The following IL1RAPL1 variants were observed in gnomAD, a reference collection of about 807,000 sequenced individuals.
IL1RAPL1 encodes the protein interleukin-1 receptor accessory protein-like 1.
Under a neutral mutation model 48.4 loss-of-function variants are expected in IL1RAPL1, and 3 were observed. That is an observed-to-expected ratio of 0.06 (90% CI 0.03 to 0.16). The LOEUF is 0.16. IL1RAPL1 is among the 10% of genes least tolerant of loss of function. The pLI is 1.00. For missense variants in IL1RAPL1, 349 were observed against 530.6 expected, an observed-to-expected ratio of 0.66 and a Z score of 3.36; for synonymous variants, 185 against 187.7, an observed-to-expected ratio of 0.99 and a Z score of 0.12.
intron 2 of IL1RAPL1, among the ~76,000 whole-genome samples, chrX:29,078,081 C>T (rs752194200): frequency 8.9e-6 from 1 of 112,017 alleles, no homozygotes; most frequent in Non-Finnish European, 1.9e-5. Context: ...ACCAGCCTAG[C>T]TAACATGGTG....
At chrX:29,786,022 G>A (rs951430807) in intron 6 of IL1RAPL1, among the ~76,000 whole-genome samples, 2 of 102,197 alleles carry the variant, frequency 2.0e-5, no homozygotes, top group African/African-American at 7.0e-5. Flanking sequence ...TTAAAAAGGC[G>A]GGCGGGGGGG....
chrX:28,772,673 A>G (rs948527274), intron 1 of IL1RAPL1, among the ~76,000 whole-genome samples: 8 of 112,285 alleles, frequency 7.1e-5, no homozygotes, highest in African/African-American at 2.6e-4. Flanking sequence ...AATCATTATC[A>G]TGAAACTGTT....
chrX:29,608,549 G>A (rs1253522782), intron 5 of IL1RAPL1, among the ~76,000 whole-genome samples: 2 of 111,336 alleles, frequency 1.8e-5, no homozygotes, highest in Non-Finnish European at 3.8e-5. Flanking sequence ...GGAGGAGGCC[G>A]GGCGCGGTGG....
At chrX:29,743,523 G>C (rs932979112) in intron 6 of IL1RAPL1, among the ~76,000 whole-genome samples, 1 of 111,375 alleles carries the variant, frequency 9.0e-6, no homozygotes, top group Non-Finnish European at 1.9e-5. Context: ...GCCTCGCTCT[G>C]TTGCCAGGCT....
intron 5 of IL1RAPL1, among the ~76,000 whole-genome samples, chrX:29,469,887 C>T (rs1934903099): frequency 9.0e-6 from 1 of 111,727 alleles, no homozygotes; most frequent in Non-Finnish European, 1.9e-5. Context: ...TAGCTTTATT[C>T]TGTAATAGTA....
At chrX:29,300,910 C>G (rs1293927977) in intron 3 of IL1RAPL1, among the ~76,000 whole-genome samples, 1 of 111,167 alleles carries the variant, frequency 9.0e-6, no homozygotes, top group Non-Finnish European at 1.9e-5. Context: ...TAATCGCCCC[C>G]CCTGGAGGAA....
At chrX:28,694,899 C>G (rs888058329) in intron 1 of IL1RAPL1, among the ~76,000 whole-genome samples, 4 of 111,108 alleles carry the variant, frequency 3.6e-5, no homozygotes, top group African/African-American at 1.3e-4. Context: ...TGAATTCCAC[C>G]TTTGATCCTC....
chrX:29,315,253 T>C (rs1225826857), intron 3 of IL1RAPL1, among the ~76,000 whole-genome samples: 1 of 112,101 alleles, frequency 8.9e-6, no homozygotes, highest in African/African-American at 3.2e-5. Context: ...TAATAGTTAA[T>C]AGAATTCAAT....
At chrX:29,818,914 C>T (rs1205592583) in intron 6 of IL1RAPL1, among the ~76,000 whole-genome samples, 2 of 112,073 alleles carry the variant, frequency 1.8e-5, no homozygotes, top group African/African-American at 6.5e-5. Flanking sequence ...CACCTAATCA[C>T]ACTCCCAGTG....
chrX:28,976,594 T>C, intron 2 of IL1RAPL1, among the ~76,000 whole-genome samples: 1 of 111,587 alleles, frequency 9.0e-6, no homozygotes, highest in South Asian at 3.8e-4. Context: ...AGGCAGTTTG[T>C]CATTAAATCT....
intron 2 of IL1RAPL1, among the ~76,000 whole-genome samples, chrX:29,213,328 G>T (rs758405288): frequency 4.5e-5 from 5 of 112,344 alleles, no homozygotes; most frequent in Non-Finnish European, 9.4e-5. Flanking sequence ...CTCTATTCCC[G>T]ATCTTCATCA....
At chrX:28,691,141 T>C (rs1197683080) in intron 1 of IL1RAPL1, among the ~76,000 whole-genome samples, 4 of 110,695 alleles carry the variant, frequency 3.6e-5, no homozygotes, top group African/African-American at 6.6e-5. Context: ...TAGCAAAAAC[T>C]TCCTCTTCAG....
chrX:29,742,520 C>A (rs1253475941), intron 6 of IL1RAPL1, among the ~76,000 whole-genome samples: 2 of 109,268 alleles, frequency 1.8e-5, no homozygotes, highest in African/African-American at 6.7e-5. Context: ...TCTGCTGACT[C>A]TTTTCTGATG....
At chrX:29,339,118 A>ACG (rs1370474789) in intron 3 of IL1RAPL1, among the ~76,000 whole-genome samples, 2 of 110,110 alleles carry the variant, frequency 1.8e-5, no homozygotes, top group African/African-American at 6.6e-5. Flanking sequence ...ACACACGCAC[A>ACG]CACTCAAATA....
Position 29,349,946 on chromosome X carries a change from T to C in IL1RAPL1, c.363-46312T>C, listed in dbSNP as rs774816080. On this transcript the variant is annotated intron_variant, in intron 3 of 10. Coordinates refer to ENST00000378993, the MANE Select transcript of IL1RAPL1 (RefSeq NM_014271.4). ...GGTTCTAGGCTCAATTAATCTAACA[T>C]GTGAAATTGAAATAAAAATCCTTCA... 1.7e-3 allele frequency among the ~76,000 whole-genome samples: 188 copies of C among 107,941 alleles called. 1 individual carries two copies. The highest frequency in any genetic ancestry group is 6.0e-3 in the African/African-American group (177 of 29,362). 93.7% of individuals were successfully genotyped at this position (107,941 alleles called of 115,157 possible).
At chrX:29,885,481 A>T (rs1932136545) in intron 6 of IL1RAPL1, among the ~76,000 whole-genome samples, 1 of 111,490 alleles carries the variant, frequency 9.0e-6, no homozygotes, top group East Asian at 2.8e-4. Flanking sequence ...TGCCTGGCAC[A>T]TAGAAGTAAC....
chrX:29,304,447 C>T (rs930588851), intron 3 of IL1RAPL1, among the ~76,000 whole-genome samples: 13 of 111,844 alleles, frequency 1.2e-4, no homozygotes, highest in African/African-American at 3.9e-4. Flanking sequence ...CTTTTAATCA[C>T]ATTAGCAAAC....
intron 6 of IL1RAPL1, among the ~76,000 whole-genome samples, chrX:29,835,162 A>C (rs1404822134): frequency 8.9e-6 from 1 of 112,300 alleles, no homozygotes; most frequent in Non-Finnish European, 1.9e-5. Flanking sequence ...TTTTAGTGCT[A>C]AAGCACTTCA....
At chrX:29,578,437 G>T (rs1191308646) in intron 5 of IL1RAPL1, among the ~76,000 whole-genome samples, 1 of 111,498 alleles carries the variant, frequency 9.0e-6, no homozygotes, top group Non-Finnish European at 1.9e-5. Context: ...CATTATGTTG[G>T]GCACGTAACA....
Sources: allele counts gnomAD v4.1 joint callset (sites outside exome capture counted in the v4.1 genomes callset), GRCh38; gene constraint gnomAD v4.1.1; transcripts MANE v1.5; gene names NCBI Gene and HGNC (gene_info 2026-07-23, HGNC 2026-07-21).